Variants in PDE6B observed in about 807,000 individuals in gnomAD.
PDE6B encodes the protein phosphodiesterase 6B.
In PDE6B, 106 loss-of-function variants were observed where a neutral mutation model predicts 109.0. That is an observed-to-expected ratio of 0.97 (90% CI 0.83 to 1.14). The LOEUF (loss-of-function observed/expected upper bound fraction) is 1.14, where lower values mean the gene tolerates loss of function less well. PDE6B is among the 50% of genes most tolerant of loss of function. The probability of loss-of-function intolerance (pLI) is 0.00; values close to 1 mark genes in which losing one functional copy is unlikely to be tolerated. For missense variants in PDE6B, 1,193 were observed against 1,155.6 expected (o/e 1.03, Z -0.47); for synonymous variants, 490 against 471.3 (o/e 1.04, Z -0.51).
At chr4:659,231 G>C (rs1736736877) in intron 11 of PDE6B, among the ~76,000 whole-genome samples, 1 of 152,162 alleles carries the variant, frequency 6.6e-6, no homozygotes. Context: ...CCCTGAGTGT[G>C]TTTGCATGGC....
Position 657,019 on chromosome 4 carries a change from T to C in PDE6B, c.1253T>C (p.Met418Thr), listed in dbSNP as rs201691661. The C allele has an allele frequency of 1.2e-4, 188 of 1,612,996 alleles. 2 individuals are homozygous for C. The South Asian group carries it at 1.8e-3, about 15-fold the overall frequency. Residue 418 changes from methionine (M) to threonine (T), a missense_variant, in exon 9 of 22, where the codon ATG (methionine) becomes ACG (threonine). By Grantham distance (81) the Met-to-Thr change is moderately conservative. Coordinates refer to ENST00000496514, the MANE Select transcript of PDE6B (RefSeq NM_000283.4). ...KPFDEQDEVL[M>T]ESLTQFLGWS... The stretch of plus-strand genomic sequence containing the variant: ...TTTGACGAACAGGACGAGGTTCTCA[T>C]GGAGGTAAGCACCTGGGCAGACGTG...
intron 20 of PDE6B, among the ~76,000 whole-genome samples, chr4:667,280 AGTGGG>A (rs1351628772): frequency 6.6e-6 from 1 of 150,580 alleles, no homozygotes; most frequent in Non-Finnish European, 1.5e-5. Flanking sequence ...GTTGTCCCGG[AGTGGG>A]CTGTGCCCAC....
At chr4:634,155 T>C (rs1734526520) in intron 1 of PDE6B, among the ~76,000 whole-genome samples, 1 of 152,100 alleles carries the variant, frequency 6.6e-6, no homozygotes, top group African/African-American at 2.4e-5. Flanking sequence ...CACCCCGGCC[T>C]GCCAGCTGCA....
Position 633,555 on chromosome 4 carries a change from C to T in PDE6B, c.469-1122C>T, listed in dbSNP as rs1337951087. On this transcript the variant is annotated intron_variant, in intron 1 of 21. Transcript: ENST00000496514. The surrounding 1 kb of genome is among the most constrained non-coding windows in gnomAD (Gnocchi z 4.5). ...CCCTCTGCTGCTGCAGGGCCACCGT[C>T]CCTAGAAACAGCAGGAGATGTGAGG... Among the ~76,000 whole-genome samples the T allele has an allele frequency of 1.6e-4, 24 of 152,296 alleles. No homozygotes were observed. Among genetic ancestry groups the T allele is most frequent in the East Asian group, 3.9e-4 (2 of 5,178 alleles).
intron 11 of PDE6B, among the ~76,000 whole-genome samples, chr4:659,795 T>C (rs1736849142): frequency 1.3e-5 from 2 of 152,176 alleles, no homozygotes; most frequent in Non-Finnish European, 2.9e-5. Flanking sequence ...TGGATATATA[T>C]AGACACATGC....
At position 653,978 on chromosome 4, in the gene PDE6B, A is replaced by G. The variant is rs368480280; in HGVS notation, c.838A>G (p.Met280Val). ...GCGGTACTCCGTGGGCCTCCTGGAC[A>G]TGACCAAGGAGAAGGTGAGGCTTCC... The part of the protein sequence containing the change: ...CERYSVGLLD[M>V]TKEKEFFDVW... The change falls in exon 4 of 22, where the codon ATG becomes GTG. Residue 280 changes from methionine (M) to valine (V), a missense_variant. By Grantham distance (21) the Met-to-Val change is conservative. Coordinates refer to ENST00000496514, the MANE Select transcript of PDE6B (RefSeq NM_000283.4). The G allele has an allele frequency of 4.4e-5, 71 of 1,613,728 alleles. 1 individual carries two copies. The highest frequency in any genetic ancestry group is 4.0e-4 in the South Asian group (36 of 91,092).
At position 626,945 on chromosome 4, in the gene PDE6B, C is replaced by A. The variant is rs879678016; in HGVS notation, c.468+851C>A. ...GAGGAAGAAGGGGAGGGGGGAAGCCCCTTCTCCCTGTCCTGCACCCGTCCC... is the reference window on the plus strand; with the variant it reads ...GAGGAAGAAGGGGAGGGGGGAAGCCACTTCTCCCTGTCCTGCACCCGTCCC... On this transcript the variant is annotated intron_variant, in intron 1 of 21. Coordinates refer to ENST00000496514, the MANE Select transcript of PDE6B (RefSeq NM_000283.4). This position sits in a 1 kb window ranked among gnomAD's most constrained non-coding sequence, Gnocchi z 4.6. Among the ~76,000 whole-genome samples, 13 of 152,142 alleles carry A rather than the reference C, an allele frequency of 8.5e-5. No individual in the cohort carries two copies. The highest frequency in any genetic ancestry group is 1.8e-4 in the Non-Finnish European group (12 of 68,010).
intron 1 of PDE6B, among the ~76,000 whole-genome samples, chr4:627,556 G>A (rs962234298): frequency 6.6e-6 from 1 of 152,086 alleles, no homozygotes; most frequent in Non-Finnish European, 1.5e-5. Context: ...AAGAAGTGGG[G>A]CACCCACAAA....
Position 665,198 on chromosome 4 carries a change from C to CG in PDE6B, c.2194-54dup. 7.5e-7 allele frequency: 1 copy of CG among 1,326,630 alleles called. No individual in the cohort carries two copies. The highest frequency in any genetic ancestry group is 1.1e-6 in the Non-Finnish European group (1 of 929,294). 82.2% of individuals were successfully genotyped at this position (1,326,630 alleles called of 1,614,324 possible). A position where few individuals can be genotyped will look rare whatever the true frequency, so the allele number is the denominator to read the frequency against. On this transcript the variant is annotated intron_variant, in intron 18 of 21. Coordinates refer to ENST00000496514, the MANE Select transcript of PDE6B (RefSeq NM_000283.4). The surrounding 1 kb of genome is among the most constrained non-coding windows in gnomAD (Gnocchi z 4.0). ...GGCTCGGAGCCTCACGGGGCGGGCCCGGGCCCTTCCGCGTGGGCTCAGAGC... is the reference window on the plus strand; with the variant it reads ...GGCTCGGAGCCTCACGGGGCGGGCCCGGGGCCCTTCCGCGTGGGCTCAGAGC...
chr4:666,668 G>A lies in PDE6B; in HGVS notation c.2352+54G>A. The A allele has an allele frequency of 8.2e-7, 1 of 1,215,000 alleles. No individual in the cohort carries two copies. The highest frequency in any genetic ancestry group is 1.9e-4 in the Middle Eastern group (1 of 5,278). The allele number at this position is 1,215,000 out of a possible 1,614,324, so 75.3% of individuals were successfully genotyped here. ...ACTGGGGCAGGGTGGCTGGGAGCAG[G>A]CAAGGGGGCGCGGGCTGGAGTCGCG... On this transcript the variant is annotated intron_variant, in intron 20 of 21. Coordinates refer to ENST00000496514, the MANE Select transcript of PDE6B (RefSeq NM_000283.4). This position sits in a 1 kb window ranked among gnomAD's most constrained non-coding sequence, Gnocchi z 5.6.
Position 663,654 on chromosome 4 carries a change from G to A in PDE6B, c.1921-116G>A. The A allele has an allele frequency of 2.6e-6, 2 of 757,386 alleles. No individual in the cohort carries two copies. The highest frequency in any genetic ancestry group is 2.3e-4 in the Middle Eastern group (1 of 4,310). The allele number at this position is 757,386 out of a possible 1,614,324, so 46.9% of individuals were successfully genotyped here. On this transcript the variant is annotated intron_variant, in intron 15 of 21. Coordinates refer to ENST00000496514, the MANE Select transcript of PDE6B (RefSeq NM_000283.4). The surrounding 1 kb of genome is among the most constrained non-coding windows in gnomAD (Gnocchi z 4.0). ...GCGGATTAGGGGTCCCGCCCACCGAGGGCCCGAGGGCGGGGGCGTGAGAGG... is the reference window on the plus strand; with the variant it reads ...GCGGATTAGGGGTCCCGCCCACCGAAGGCCCGAGGGCGGGGGCGTGAGAGG...
At position 670,099 on chromosome 4, in the gene PDE6B, A is replaced by T; in HGVS notation, c.2557A>T (p.Ile853Phe). 6.2e-7 allele frequency: 1 copy of T among 1,612,738 alleles called. No homozygotes were observed. The highest frequency in any genetic ancestry group is 8.5e-7 in the Non-Finnish European group (1 of 1,179,188). Residue 853 changes from isoleucine (I) to phenylalanine (F), a missense_variant, in exon 22 of 22, where the codon ATC becomes TTC. By Grantham distance (21) the Ile-to-Phe change is conservative. Coordinates refer to ENST00000496514, the MANE Select transcript of PDE6B (RefSeq NM_000283.4). Reference protein sequence around the residue: ...GPAPKSSTCCIL With the variant: ...GPAPKSSTCCFL The stretch of plus-strand genomic sequence containing the variant: ...AGCACCCAAGTCTTCAACCTGCTGT[A>T]TCCTGTGAGCACTGGTCCCATGGGG...
At position 647,601 on chromosome 4, in the gene PDE6B, A is replaced by G. The variant is rs1042147289; in HGVS notation, c.712-6251A>G. On this transcript the variant is annotated intron_variant, in intron 3 of 21. Transcript: ENST00000496514. ...CCCTGGCTTGCTGTGTCCTCGTCCC[A>G]TAAGGGCACGTCTCGTAGGGGCCCC... Among the ~76,000 whole-genome samples the G allele has an allele frequency of 3.3e-5, 5 of 152,132 alleles. No individual in the cohort carries two copies. In the East Asian group the frequency reaches 9.7e-4, roughly 29 times the overall value.
In PDE6B at chr4:648,629, G is replaced by A. The variant is rs750030840; in HGVS notation, c.712-5223G>A. Among the ~76,000 whole-genome samples the A allele has an allele frequency of 3.9e-5, 6 of 152,182 alleles. No individual in the cohort carries two copies. Among genetic ancestry groups the A allele is most frequent in the South Asian group, 4.1e-4 (2 of 4,824 alleles). ...CCATTCCCTTTCTGAAAAGCCTCTC[G>A]GACACTCCCATCAGAGCCAACAGAG... On this transcript the variant is annotated intron_variant, in intron 3 of 21. Coordinates refer to ENST00000496514, the MANE Select transcript of PDE6B (RefSeq NM_000283.4). The surrounding 1 kb of genome is among the most constrained non-coding windows in gnomAD (Gnocchi z 4.5).
intron 1 of PDE6B, among the ~76,000 whole-genome samples, chr4:630,916 T>C (rs1027953268): frequency 5.3e-5 from 8 of 151,862 alleles, no homozygotes; most frequent in African/African-American, 1.7e-4. Flanking sequence ...ATGGGGCCAG[T>C]GGTGAAGGAG....
At chr4:669,457 C>G (rs1166783113) in intron 21 of PDE6B, among the ~76,000 whole-genome samples, 4 of 131,376 alleles carry the variant, frequency 3.0e-5, no homozygotes, top group Admixed American at 2.9e-4. Context: ...ATTCCCACTA[C>G]CCCATGCTAT....
Position 662,327 on chromosome 4 carries a change from G to C in PDE6B, c.1722+86G>C, listed in dbSNP as rs576551399. 1.3e-4 allele frequency: 112 copies of C among 855,248 alleles called. No homozygotes were observed. The highest frequency in any genetic ancestry group is 2.1e-4 in the Non-Finnish European group (106 of 514,874). 53.0% of individuals were successfully genotyped at this position (855,248 alleles called of 1,614,324 possible). A position where few individuals can be genotyped will look rare whatever the true frequency, so the allele number is the denominator to read the frequency against. On this transcript the variant is annotated intron_variant, in intron 13 of 21. Coordinates refer to ENST00000496514, the MANE Select transcript of PDE6B (RefSeq NM_000283.4). The surrounding 1 kb of genome is among the most constrained non-coding windows in gnomAD (Gnocchi z 4.3). ...CAAGCACCCCGAGGGATGAGATGGGGGTCCTCCCAGGGCAGAAGGATGGAG... is the reference window on the plus strand; with the variant it reads ...CAAGCACCCCGAGGGATGAGATGGGCGTCCTCCCAGGGCAGAAGGATGGAG...
chr4:660,031 G>A (rs1736875389), intron 11 of PDE6B, among the ~76,000 whole-genome samples: 1 of 152,144 alleles, frequency 6.6e-6, no homozygotes, highest in African/African-American at 2.4e-5. Flanking sequence ...GAGTCTGCAC[G>A]TGTGTGCCTG....
intron 1 of PDE6B, 71 bp from the exon 2 acceptor site, chr4:634,606 C>A: frequency 7.8e-7 from 1 of 1,284,830 alleles, no homozygotes; most frequent in East Asian, 2.3e-5. Context: ...AGCTTGACGA[C>A]AACCCCAGTG....
Sources: gnomAD v4.1 joint callset for allele counts (sites outside exome capture counted in the v4.1 genomes callset) on GRCh38, gnomAD v4.1.1 for gene constraint, Gnocchi (gnomAD v3.1) non-coding constraint, MANE v1.5 for transcripts, NCBI Gene and HGNC (gene_info 2026-07-23, HGNC 2026-07-21) for gene names.